The following PACRG variants were observed in gnomAD, a reference collection of about 807,000 sequenced individuals.
The protein encoded by PACRG is parkin coregulated, also known as parkin coregulated gene protein.
PACRG carries 29 observed loss-of-function variants against 29.7 expected under a neutral mutation model. The observed-to-expected ratio is 0.98, with a 90% CI of 0.73 to 1.33. The LOEUF (loss-of-function observed/expected upper bound fraction) is 1.33, where lower values mean the gene tolerates loss of function less well. PACRG is among the 40% of genes most tolerant of loss of function. PACRG has a pLI of 0.00. For synonymous variants in PACRG, 116 were observed against 118.7 expected, an observed-to-expected ratio of 0.98 and a Z score of 0.15; for missense variants, 279 against 316.2, an observed-to-expected ratio of 0.88 and a Z score of 0.89.
intron 4 of PACRG, among the ~76,000 whole-genome samples, chr6:163,100,550 C>G (rs568056042): frequency 6.6e-6 from 1 of 152,162 alleles, no homozygotes; most frequent in African/African-American, 2.4e-5. Context: ...GCCAGTTCCC[C>G]GCGACTCTTT....
chr6:163,136,014 A>T (rs1231386120), intron 4 of PACRG, among the ~76,000 whole-genome samples: 4 of 152,164 alleles, frequency 2.6e-5, no homozygotes, highest in African/African-American at 4.8e-5. Flanking sequence ...TTCATTATGA[A>T]TACTACTGTT....
At position 163,257,017 on chromosome 6, in the gene PACRG, G is replaced by A. The variant is rs1317848414; in HGVS notation, c.614-57810G>A. Among the ~76,000 whole-genome samples, 8 of 152,114 alleles carry A rather than the reference G, an allele frequency of 5.3e-5. No homozygotes were observed. In the East Asian group the frequency reaches 1.5e-3, roughly 29 times the overall value. On this transcript the variant is annotated intron_variant, in intron 4 of 4. Coordinates refer to ENST00000366888, the MANE Select transcript of PACRG (RefSeq NM_001080379.2). ...CTCCAATCTCTGCCGCCATCTTCAC[G>A]TGGTCTTTTCTTGTCTGTGTCTCGG...
intron 4 of PACRG, among the ~76,000 whole-genome samples, chr6:163,297,913 GCTT>G (rs1784840792): frequency 6.6e-6 from 1 of 152,098 alleles, no homozygotes; most frequent in Admixed American, 6.5e-5. Flanking sequence ...CATCAATTCA[GCTT>G]CTCACAATGA....
At chr6:163,004,758 A>C (rs1804911142) in intron 2 of PACRG, among the ~76,000 whole-genome samples, 1 of 127,946 alleles carries the variant, frequency 7.8e-6, no homozygotes, top group Non-Finnish European at 1.8e-5. Flanking sequence ...ACACACACAT[A>C]TCTGCAAATT....
chr6:163,077,255 A>G (rs901250226), intron 3 of PACRG, among the ~76,000 whole-genome samples: 1 of 152,182 alleles, frequency 6.6e-6, no homozygotes, highest in Non-Finnish European at 1.5e-5. Flanking sequence ...ATAAGCAGCA[A>G]CATACTTTTG....
chr6:163,296,812 A>G (rs1385287195), intron 4 of PACRG, among the ~76,000 whole-genome samples: 1 of 152,236 alleles, frequency 6.6e-6, no homozygotes, highest in Non-Finnish European at 1.5e-5. Context: ...CGATATGAGA[A>G]AAACCACTTT....
intron 2 of PACRG, chr6:162,997,265 T>C (rs1331599199): frequency 1.1e-5 from 3 of 271,412 alleles, no homozygotes; most frequent in Non-Finnish European, 2.2e-5. Context: ...CCCTAAGATA[T>C]GTTGTGCTGA....
chr6:163,101,517 G>A, intron 4 of PACRG: 1 of 668,600 alleles, frequency 1.5e-6, no homozygotes, highest in Admixed American at 6.3e-5. Flanking sequence ...TCCTTCCAAA[G>A]TTTCTTACAA....
chr6:162,954,895 T>A (rs1799906263), intron 2 of PACRG, among the ~76,000 whole-genome samples: 2 of 152,218 alleles, frequency 1.3e-5, no homozygotes, highest in Non-Finnish European at 1.5e-5. Flanking sequence ...ATAAATTAAG[T>A]ATTAGCCTGA....
At chr6:162,936,799 ATT>A (rs200818605) in intron 2 of PACRG, among the ~76,000 whole-genome samples, 2 of 146,482 alleles carry the variant, frequency 1.4e-5, no homozygotes, top group African/African-American at 2.5e-5. Context: ...ATTGTTCAGA[ATT>A]TTTTTTTTTT....
chr6:162,975,962 T>C (rs542355304), intron 2 of PACRG, among the ~76,000 whole-genome samples: 46 of 152,264 alleles, frequency 3.0e-4, no homozygotes, highest in African/African-American at 1.1e-3. Context: ...AGTGAGGCGA[T>C]TGACAGAATG....
At chr6:163,173,539 C>A (rs1459246985) in intron 4 of PACRG, among the ~76,000 whole-genome samples, 2 of 152,152 alleles carry the variant, frequency 1.3e-5, no homozygotes, top group Non-Finnish European at 2.9e-5. Context: ...TCCTCTAGAC[C>A]ATGGCTTGAG....
chr6:162,975,960 G>A (rs781646729), intron 2 of PACRG, among the ~76,000 whole-genome samples: 10 of 152,138 alleles, frequency 6.6e-5, no homozygotes, highest in South Asian at 2.1e-4. Flanking sequence ...CCAGTGAGGC[G>A]ATTGACAGAA....
chr6:163,200,043 T>C (rs1036056895), intron 4 of PACRG, among the ~76,000 whole-genome samples: 1 of 152,122 alleles, frequency 6.6e-6, no homozygotes, highest in Admixed American at 6.5e-5. Context: ...CATTTGACCC[T>C]AAAAAGTGAC....
intron 2 of PACRG, among the ~76,000 whole-genome samples, chr6:162,954,439 C>CT (rs1324200239): frequency 0.011 from 1,459 of 133,844 alleles, 11 homozygotes; most frequent in Non-Finnish European, 0.016. Flanking sequence ...TCCTGAGTTG[C>CT]TTTTTTTTTT....
At chr6:163,282,598 C>T (rs1236566537) in intron 4 of PACRG, among the ~76,000 whole-genome samples, 2 of 151,656 alleles carry the variant, frequency 1.3e-5, no homozygotes, top group African/African-American at 4.8e-5. Flanking sequence ...TGTAATCCCA[C>T]CTACTTGGGA....
intron 1 of PACRG, 30 bp downstream of exon 1, chr6:162,728,421 C>A: frequency 6.2e-7 from 1 of 1,601,996 alleles, no homozygotes; most frequent in Non-Finnish European, 8.5e-7. Flanking sequence ...TAAATGCACT[C>A]GCTCTGAATC....
At chr6:163,002,255 G>C (rs915986792) in intron 2 of PACRG, among the ~76,000 whole-genome samples, 10 of 152,186 alleles carry the variant, frequency 6.6e-5, no homozygotes, top group African/African-American at 2.4e-4. Flanking sequence ...AACTGTGGCA[G>C]TTCAGGAATC....
At chr6:163,181,705 TTATTA>T in intron 4 of PACRG, among the ~76,000 whole-genome samples, 1 of 152,004 alleles carries the variant, frequency 6.6e-6, no homozygotes, top group African/African-American at 2.4e-5. Flanking sequence ...CAGAGGTTGA[TTATTA>T]GTACAGTAGT....
Sources: gnomAD v4.1 joint callset for allele counts (sites outside exome capture counted in the v4.1 genomes callset) on GRCh38, gnomAD v4.1.1 for gene constraint, MANE v1.5 for transcripts, NCBI Gene and HGNC (gene_info 2026-07-23, HGNC 2026-07-21) for gene names.